The following KAZN variants were observed in gnomAD, a reference collection of about 807,000 sequenced individuals.
The protein encoded by KAZN is kazrin, periplakin interacting protein, also known as kazrin.
In KAZN, 40 loss-of-function variants were observed where a neutral mutation model predicts 87.4. That is an observed-to-expected ratio of 0.46 (90% CI 0.36 to 0.60). KAZN has a LOEUF of 0.60. Among genes scored for constraint, KAZN ranks in the 20% least tolerant of loss-of-function variants. The pLI is 0.00. For synonymous variants in KAZN, 466 were observed against 458.3 expected, an observed-to-expected ratio of 1.02 and a Z score of -0.22; for missense variants, 898 against 1,073.9, an observed-to-expected ratio of 0.84 and a Z score of 2.29.
chr1:14,683,324 T>G (rs1883661), intron 1 of KAZN, among the ~76,000 whole-genome samples: 1 of 151,956 alleles, frequency 6.6e-6, no homozygotes, highest in Non-Finnish European at 1.5e-5. Flanking sequence ...TCAAAGAAGA[T>G]GCGTAGGTCA....
intron 1 of KAZN, among the ~76,000 whole-genome samples, chr1:14,641,405 T>C (rs561576067): frequency 5.3e-5 from 8 of 152,220 alleles, no homozygotes; most frequent in African/African-American, 1.9e-4. Context: ...CTAAGTAAAA[T>C]GGAAGTTTCT....
chr1:14,114,463 A>T (rs1258966192), intron 1 of KAZN, among the ~76,000 whole-genome samples: 5 of 151,958 alleles, frequency 3.3e-5, no homozygotes. Context: ...AACTCTCTCG[A>T]GCCCCCTATT....
intron 1 of KAZN, among the ~76,000 whole-genome samples, chr1:14,611,618 G>A (rs560388987): frequency 6.0e-5 from 9 of 151,002 alleles, no homozygotes; most frequent in Admixed American, 1.3e-4. Context: ...GGGACCAGGA[G>A]TTTGAGGTTG....
At chr1:14,947,590 T>C (rs1661979964) in intron 1 of KAZN, among the ~76,000 whole-genome samples, 1 of 152,232 alleles carries the variant, frequency 6.6e-6, no homozygotes, top group South Asian at 2.1e-4. Context: ...GCTGGGAGCC[T>C]ATCCAGTGGT....
chr1:14,309,149 A>G (rs1655119118), intron 2 of KAZN, among the ~76,000 whole-genome samples: 1 of 152,218 alleles, frequency 6.6e-6, no homozygotes, highest in Admixed American at 6.5e-5. Flanking sequence ...TCTCAGAACA[A>G]TAACTGGAAT....
chr1:14,360,602 T>A (rs1210736131), intron 2 of KAZN, among the ~76,000 whole-genome samples: 1 of 152,208 alleles, frequency 6.6e-6, no homozygotes, highest in East Asian at 1.9e-4. Context: ...TCTTTGATGC[T>A]GCTGACCTTC....
chr1:14,328,751 A>G (rs979609904), intron 2 of KAZN, among the ~76,000 whole-genome samples: 3 of 56,896 alleles, frequency 5.3e-5, no homozygotes, highest in African/African-American at 2.2e-4. Context: ...CCTAACTGAA[A>G]AAAAAAAAAA....
intron 1 of KAZN, among the ~76,000 whole-genome samples, chr1:14,128,269 A>C (rs1270658274): frequency 6.6e-6 from 1 of 152,140 alleles, no homozygotes; most frequent in African/African-American, 2.4e-5. Context: ...GGCTGGCATG[A>C]AGGCCTCTCC....
At chr1:14,725,086 T>C (rs1321724894) in intron 1 of KAZN, among the ~76,000 whole-genome samples, 2 of 152,216 alleles carry the variant, frequency 1.3e-5, no homozygotes, top group African/African-American at 4.8e-5. Flanking sequence ...GGAAAGAAGA[T>C]CACCATACAC....
chr1:14,444,593 G>A (rs1666875152), intron 2 of KAZN, among the ~76,000 whole-genome samples: 2 of 152,144 alleles, frequency 1.3e-5, no homozygotes, highest in Admixed American at 6.5e-5. Flanking sequence ...GATTACAGGC[G>A]TGAGCCACCG....
At chr1:14,840,159 A>G (rs1241183433) in intron 1 of KAZN, among the ~76,000 whole-genome samples, 1 of 152,160 alleles carries the variant, frequency 6.6e-6, no homozygotes, top group Non-Finnish European at 1.5e-5. Context: ...AATAGAGTCC[A>G]GGAGAGGTCT....
intron 1 of KAZN, among the ~76,000 whole-genome samples, chr1:14,915,873 C>T (rs1451346102): frequency 1.3e-5 from 2 of 152,178 alleles, no homozygotes; most frequent in African/African-American, 2.4e-5. Context: ...CAGTAAATGA[C>T]ACCTATTGCC....
rs1644499640 is a variant in KAZN at position 14,111,606 on chromosome 1, C to A, written c.92-68829C>A. Among the ~76,000 whole-genome samples the A allele has an allele frequency of 1.5e-5, 2 of 134,364 alleles. 1 individual carries two copies. Among genetic ancestry groups the A allele is most frequent in the Admixed American group, 1.5e-4 (2 of 13,614 alleles). 88.1% of individuals were successfully genotyped at this position (134,364 alleles called of 152,430 possible). ...GTGCTTTTTGAGGGTTGCATGTGCA[C>A]CTTGTAAAAGAGCCTCTGATTCCTC... On this transcript the variant is annotated intron_variant, in intron 1 of 16. Transcript: ENST00000636203.
At chr1:15,074,427 G>T (rs1243387434) in intron 8 of KAZN, among the ~76,000 whole-genome samples, 5 of 152,188 alleles carry the variant, frequency 3.3e-5, no homozygotes, top group Non-Finnish European at 7.4e-5. Context: ...AGGGAGAGGG[G>T]CACCAGCCTG....
At chr1:14,392,851 G>A (rs1053938119) in intron 2 of KAZN, among the ~76,000 whole-genome samples, 5 of 152,094 alleles carry the variant, frequency 3.3e-5, no homozygotes, top group Non-Finnish European at 5.9e-5. Context: ...TTCTAATGGC[G>A]ACCAGACCAG....
At chr1:14,525,922 G>A (rs548578481) in intron 2 of KAZN, among the ~76,000 whole-genome samples, 1 of 152,338 alleles carries the variant, frequency 6.6e-6, no homozygotes, top group African/African-American at 2.4e-5. Flanking sequence ...TTTAAACCAA[G>A]GTCTTGGGAT....
chr1:14,959,484 C>A (rs528635141), intron 1 of KAZN, among the ~76,000 whole-genome samples: 1 of 152,240 alleles, frequency 6.6e-6, no homozygotes, highest in East Asian at 1.9e-4. Flanking sequence ...TTGTCCCCTC[C>A]CCAGGTCCCT....
intron 1 of KAZN, among the ~76,000 whole-genome samples, chr1:13,932,008 A>ATTT (rs35231877): frequency 6.5e-5 from 8 of 122,888 alleles, no homozygotes; most frequent in Admixed American, 1.7e-4. Context: ...GGCTTGGCTA[A>ATTT]TTTTTTTTTT....
At chr1:14,791,383 G>A (rs933437877) in intron 1 of KAZN, among the ~76,000 whole-genome samples, 3 of 152,174 alleles carry the variant, frequency 2.0e-5, no homozygotes, top group African/African-American at 2.4e-5. Flanking sequence ...TGTCACTGGA[G>A]CCTCATCCTG....
Sources: allele counts gnomAD v4.1 joint callset (sites outside exome capture counted in the v4.1 genomes callset), GRCh38; gene constraint gnomAD v4.1.1; transcripts MANE v1.5; gene names NCBI Gene and HGNC (gene_info 2026-07-23, HGNC 2026-07-21).